TTLL5: variants seen among roughly 807,000 people sequenced by gnomAD.
TTLL5 encodes the protein tubulin tyrosine ligase like 5, also known as tubulin polyglutamylase TTLL5.
In TTLL5, 132 loss-of-function variants were observed where a neutral mutation model predicts 168.4. The observed-to-expected ratio is 0.78, with a 90% confidence interval of 0.68 to 0.91. The LOEUF (loss-of-function observed/expected upper bound fraction) is 0.91, where lower values mean the gene tolerates loss of function less well. Ranked by LOEUF, TTLL5 falls within the 40% of genes least tolerant of loss-of-function variation. The probability of loss-of-function intolerance (pLI) is 0.00; values close to 1 mark genes in which losing one functional copy is unlikely to be tolerated. For missense variants in TTLL5, 1,545 were observed against 1,581.5 expected (o/e 0.98, Z 0.39); for synonymous variants, 546 against 558.6 (o/e 0.98, Z 0.32).
At chr14:75,687,868 A>C (rs1885182241) in intron 5 of TTLL5, among the ~76,000 whole-genome samples, 1 of 152,214 alleles carries the variant, frequency 6.6e-6, no homozygotes, top group Non-Finnish European at 1.5e-5. Flanking sequence ...ATGGAATACA[A>C]ATTAAAACTA....
At chr14:75,762,368 C>G (rs1411501719) in intron 18 of TTLL5, among the ~76,000 whole-genome samples, 3 of 152,128 alleles carry the variant, frequency 2.0e-5, no homozygotes, top group Non-Finnish European at 4.4e-5. Context: ...GCACTCCAGC[C>G]TGGGTGACAG....
At chr14:75,869,523 T>C (rs2030834329) in intron 29 of TTLL5, among the ~76,000 whole-genome samples, 1 of 152,224 alleles carries the variant, frequency 6.6e-6, no homozygotes, top group Admixed American at 6.5e-5. Flanking sequence ...TATTACCATA[T>C]GTCAAGCACC....
At chr14:75,872,181 C>T (rs1261635161) in intron 29 of TTLL5, among the ~76,000 whole-genome samples, 2 of 152,148 alleles carry the variant, frequency 1.3e-5, no homozygotes, top group African/African-American at 4.8e-5. Context: ...CAATAAGTAA[C>T]AAACATTTGC....
At chr14:75,750,751 A>G (rs1224514010) in intron 17 of TTLL5, among the ~76,000 whole-genome samples, 4 of 152,176 alleles carry the variant, frequency 2.6e-5, no homozygotes, top group South Asian at 2.1e-4. Flanking sequence ...TTTTTACTAT[A>G]TATGTACCCA....
chr14:75,815,791 C>T (rs557738874), intron 27 of TTLL5, among the ~76,000 whole-genome samples: 1 of 152,326 alleles, frequency 6.6e-6, no homozygotes, highest in African/African-American at 2.4e-5. Context: ...ACCAGTTCTG[C>T]AACTTTTATG....
intron 30 of TTLL5, among the ~76,000 whole-genome samples, chr14:75,896,521 C>T (rs1412276413): frequency 1.3e-5 from 2 of 152,090 alleles, no homozygotes; most frequent in African/African-American, 2.4e-5. Flanking sequence ...GTCCTTCCTT[C>T]TACAGAAAGG....
chr14:75,783,357 C>G lies in TTLL5; in HGVS notation c.2813C>G (p.Thr938Arg). 1 of 1,614,202 alleles carries G rather than the reference C, an allele frequency of 6.2e-7. No individual in the cohort carries two copies. The highest frequency in any genetic ancestry group is 8.5e-7 in the Non-Finnish European group (1 of 1,180,032). The change falls in exon 26 of 32, where the codon ACA becomes AGA. Residue 938 changes from threonine to arginine, a missense_variant. Thr to Arg is a moderately conservative substitution (Grantham distance 71). Transcript: ENST00000298832. ...MPHQPTILLN[T>R]VSASASPCLH... Reference sequence around the variant, plus strand: ...CACCAGCCAACAATTTTACTGAACACAGTCTCTGCCAGTGCTTCTCCCTGC... The same window carrying G: ...CACCAGCCAACAATTTTACTGAACAGAGTCTCTGCCAGTGCTTCTCCCTGC...
intron 6 of TTLL5, among the ~76,000 whole-genome samples, chr14:75,698,720 T>C (rs555719994): frequency 6.6e-6 from 1 of 151,876 alleles, no homozygotes; most frequent in Non-Finnish European, 1.5e-5. Flanking sequence ...CTGGGCAACA[T>C]AGAGAAACCC....
At chr14:75,831,803 A>G (rs538348280) in intron 28 of TTLL5, among the ~76,000 whole-genome samples, 2 of 152,200 alleles carry the variant, frequency 1.3e-5, no homozygotes, top group Non-Finnish European at 2.9e-5. Flanking sequence ...AGTATACACA[A>G]TGGAGCTTGG....
At chr14:75,764,820 A>G (rs1477190787) in intron 19 of TTLL5, 48 bp downstream of exon 19, 2 of 1,607,772 alleles carry the variant, frequency 1.2e-6, no homozygotes, top group South Asian at 2.2e-5. Context: ...GGATCCTGCC[A>G]GACTGAGTTA....
intron 27 of TTLL5, among the ~76,000 whole-genome samples, chr14:75,805,116 A>ATC (rs1227613721): frequency 6.6e-6 from 1 of 151,890 alleles, no homozygotes; most frequent in African/African-American, 2.4e-5. Context: ...ACATTTGTCC[A>ATC]TCTCTCTCTC....
chr14:75,720,451 C>G, intron 11 of TTLL5, 145 bp from the exon 12 acceptor site: 1 of 643,532 alleles, frequency 1.6e-6, no homozygotes, highest in African/African-American at 1.8e-5. Flanking sequence ...ATGCCTGCCT[C>G]TATAGCACCC....
At chr14:75,732,302 A>G (rs770531326) in intron 12 of TTLL5, 36 bp from the exon 13 acceptor site, 2 of 1,588,710 alleles carry the variant, frequency 1.3e-6, no homozygotes, top group Admixed American at 1.7e-5. Flanking sequence ...TGACATGGAA[A>G]ATGATCTTGT....
chr14:75,731,712 T>C (rs922605775), intron 12 of TTLL5, among the ~76,000 whole-genome samples: 2 of 152,196 alleles, frequency 1.3e-5, no homozygotes, highest in African/African-American at 2.4e-5. Context: ...TCTTTCCTTG[T>C]CTGTCTTTTG....
intron 26 of TTLL5, among the ~76,000 whole-genome samples, chr14:75,791,275 A>G (rs996281587): frequency 2.6e-5 from 4 of 152,278 alleles, no homozygotes; most frequent in Non-Finnish European, 5.9e-5. Flanking sequence ...TATAATGGCA[A>G]TATGCTTGAA....
At chr14:75,773,950 AGAGAGAAAGAGAGAGAGAGAG>A (rs1891526193) in intron 21 of TTLL5, among the ~76,000 whole-genome samples, 1 of 35,490 alleles carries the variant, frequency 2.8e-5, no homozygotes, top group African/African-American at 8.9e-5. Flanking sequence ...AGAGAGAGAG[AGAGAGAAAGAGAGAGAGAGAG>A]AGAGAGAGAG....
intron 27 of TTLL5, among the ~76,000 whole-genome samples, chr14:75,794,020 G>T (rs1270278294): frequency 1.3e-5 from 2 of 152,142 alleles, no homozygotes; most frequent in Non-Finnish European, 2.9e-5. Context: ...CTGCTCCCTG[G>T]TGGTACCCTA....
intron 9 of TTLL5, among the ~76,000 whole-genome samples, chr14:75,716,827 T>G (rs1438225348): frequency 6.6e-6 from 1 of 152,204 alleles, no homozygotes; most frequent in Non-Finnish European, 1.5e-5. Context: ...TATACTTTGG[T>G]CTTCTTTTGA....
At chr14:75,844,213 G>A (rs1595137997) in intron 28 of TTLL5, among the ~76,000 whole-genome samples, 1 of 152,246 alleles carries the variant, frequency 6.6e-6, no homozygotes. Context: ...TCTAATCTGA[G>A]TTAATTTTTG....
Sources: gnomAD v4.1 joint callset for allele counts (sites outside exome capture counted in the v4.1 genomes callset) on GRCh38, gnomAD v4.1.1 for gene constraint, MANE v1.5 for transcripts, NCBI Gene and HGNC (gene_info 2026-07-23, HGNC 2026-07-21) for gene names.